The following SPAG16 variants were observed in gnomAD, a reference collection of about 807,000 sequenced individuals.
The protein encoded by SPAG16 is sperm associated antigen 16.
In SPAG16, 86 loss-of-function variants were observed where a neutral mutation model predicts 80.4. The observed-to-expected ratio is 1.07, with a 90% CI of 0.90 to 1.28. The LOEUF is 1.28. Ranked by LOEUF, SPAG16 falls within the 50% of genes most tolerant of loss-of-function variation. The pLI, the probability that SPAG16 is intolerant of heterozygous loss-of-function variation, is 0.00. For missense variants in SPAG16, 870 were observed against 765.3 expected (o/e 1.14, Z -1.61); for synonymous variants, 294 against 265.9 (o/e 1.11, Z -1.03).
intron 12 of SPAG16, among the ~76,000 whole-genome samples, chr2:213,961,582 C>G (rs1158735169): frequency 7.0e-6 from 1 of 142,260 alleles, no homozygotes; most frequent in African/African-American, 2.7e-5. Flanking sequence ...TCTTCTAACC[C>G]TAGTTTTTTT....
chr2:213,833,543 TA>T lies in SPAG16; in HGVS notation c.1071-28941del, dbSNP rs1646425808. 3.8e-3 allele frequency among the ~76,000 whole-genome samples: 2 copies of T among 530 alleles called. 1 individual carries two copies. The highest frequency in any genetic ancestry group is 0.011 in the African/African-American group (2 of 178). 0.3% of individuals were successfully genotyped at this position (530 alleles called of 152,430 possible). On this transcript the variant is annotated intron_variant, in intron 10 of 15. Coordinates refer to ENST00000331683, the MANE Select transcript of SPAG16 (RefSeq NM_024532.5). ...TATAATATATATATTATATATAATA[TA>T]TATAATATATATAATATATATAATA... is the stretch of plus-strand genomic sequence containing the variant.
intron 10 of SPAG16, among the ~76,000 whole-genome samples, chr2:213,694,762 T>G (rs1163116598): frequency 7.0e-6 from 1 of 142,766 alleles, no homozygotes; most frequent in Non-Finnish European, 1.6e-5. Context: ...TTCTTTATCC[T>G]TCTCTTTTCC....
rs963854632 is a variant in SPAG16 at position 213,802,622 on chromosome 2, A to G, written c.1071-59863A>G. ...ACAAAGACCATAATAAATGCTTTTAATATTGTACCAAATGAACCAACATCT... is the reference window on the plus strand; with the variant it reads ...ACAAAGACCATAATAAATGCTTTTAGTATTGTACCAAATGAACCAACATCT... On this transcript the variant is annotated intron_variant, in intron 10 of 15. Transcript: ENST00000331683. 4.6e-5 allele frequency among the ~76,000 whole-genome samples: 7 copies of G among 152,326 alleles called. No individual in the cohort carries two copies. In the East Asian group the frequency reaches 5.8e-4, roughly 13 times the overall value.
chr2:214,350,577 G>A (rs1040132355), intron 15 of SPAG16, among the ~76,000 whole-genome samples: 1 of 152,164 alleles, frequency 6.6e-6, no homozygotes, highest in African/African-American at 2.4e-5. Flanking sequence ...GAGTTGGCAG[G>A]AAAAGAAAAA....
chr2:213,949,338 T>G (rs532649495), intron 12 of SPAG16, among the ~76,000 whole-genome samples: 25 of 151,868 alleles, frequency 1.6e-4, no homozygotes, highest in Middle Eastern at 3.4e-3. Flanking sequence ...CCAGCTAATT[T>G]TTGTATTTTT....
chr2:213,591,061 C>T (rs2060673278), intron 10 of SPAG16, among the ~76,000 whole-genome samples: 2 of 152,182 alleles, frequency 1.3e-5, no homozygotes, highest in South Asian at 4.1e-4. Flanking sequence ...CCAAATACCA[C>T]ACATTATCAC....
intron 14 of SPAG16, among the ~76,000 whole-genome samples, chr2:214,125,432 G>A (rs922200207): frequency 6.6e-5 from 10 of 151,530 alleles, no homozygotes; most frequent in African/African-American, 2.4e-4. Flanking sequence ...TTTTTTGGAT[G>A]TGTGAGGTTG....
At chr2:213,699,121 A>G (rs1046224058) in intron 10 of SPAG16, among the ~76,000 whole-genome samples, 5 of 151,930 alleles carry the variant, frequency 3.3e-5, no homozygotes, top group African/African-American at 1.2e-4. Flanking sequence ...ACAGCCCACC[A>G]TTGCCACCCC....
Position 213,295,902 on chromosome 2 carries a change from G to A in SPAG16, c.137-162G>A, listed in dbSNP as rs112323774. Reference sequence around the variant, plus strand: ...TTATTTTTAAATATCTAGATTTATAGGCTATATGGGGAAGACAAATTTTTT... The same window carrying A: ...TTATTTTTAAATATCTAGATTTATAAGCTATATGGGGAAGACAAATTTTTT... On this transcript the variant is annotated intron_variant, in intron 1 of 15. Coordinates refer to ENST00000331683, the MANE Select transcript of SPAG16 (RefSeq NM_024532.5). 1.1e-4 allele frequency: 53 copies of A among 488,492 alleles called. No homozygotes were observed. The Middle Eastern group carries it at 5.1e-3, about 47-fold the overall frequency. The allele number at this position is 488,492 out of a possible 1,614,324, so 30.3% of individuals were successfully genotyped here.
intron 11 of SPAG16, among the ~76,000 whole-genome samples, chr2:213,870,298 G>T (rs989484901): frequency 7.9e-5 from 12 of 152,140 alleles, no homozygotes; most frequent in African/African-American, 2.9e-4. Flanking sequence ...TTATAACCAA[G>T]ACAAATCAAG....
chr2:214,377,151 A>G (rs1351100236), intron 15 of SPAG16, among the ~76,000 whole-genome samples: 1 of 152,198 alleles, frequency 6.6e-6, no homozygotes, highest in Non-Finnish European at 1.5e-5. Flanking sequence ...ACCATGTGAC[A>G]CTAACCATCT....
intron 15 of SPAG16, among the ~76,000 whole-genome samples, chr2:214,149,554 C>T (rs2055873223): frequency 6.6e-6 from 1 of 152,002 alleles, no homozygotes. Context: ...AACCTCCATT[C>T]CTCAGAATCA....
intron 14 of SPAG16, 44 bp from the exon 15 acceptor site, chr2:214,149,096 T>TACAC: frequency 1.3e-6 from 1 of 749,966 alleles, no homozygotes; most frequent in African/African-American, 1.9e-5. Flanking sequence ...TATATATATA[T>TACAC]ACATACATAC....
intron 10 of SPAG16, among the ~76,000 whole-genome samples, chr2:213,850,785 G>A (rs2074862511): frequency 6.6e-6 from 1 of 152,032 alleles, no homozygotes; most frequent in Non-Finnish European, 1.5e-5. Flanking sequence ...TGGTGACTTA[G>A]GAAACATTAT....
chr2:213,702,399 G>C (rs1361254303), intron 10 of SPAG16, among the ~76,000 whole-genome samples: 3 of 152,180 alleles, frequency 2.0e-5, no homozygotes, highest in Admixed American at 2.0e-4. Flanking sequence ...GGTCCATGCA[G>C]CATTTATGAG....
intron 9 of SPAG16, among the ~76,000 whole-genome samples, chr2:213,444,469 A>G (rs1339900818): frequency 3.3e-5 from 5 of 152,182 alleles, no homozygotes; most frequent in Non-Finnish European, 7.4e-5. Flanking sequence ...AGAATTTCCT[A>G]TTCTGCCATC....
intron 10 of SPAG16, among the ~76,000 whole-genome samples, chr2:213,558,472 A>AT (rs34254283): frequency 0.3 from 44,364 of 150,084 alleles, 7,081 homozygotes; most frequent in Middle Eastern, 0.45. Context: ...TTACATGAGA[A>AT]TTTTTTTTTT....
At chr2:214,116,232 C>A (rs2053928011) in intron 14 of SPAG16, among the ~76,000 whole-genome samples, 1 of 152,224 alleles carries the variant, frequency 6.6e-6, no homozygotes, top group South Asian at 2.1e-4. Context: ...TGACAGTGGT[C>A]TTCACACTGA....
intron 14 of SPAG16, among the ~76,000 whole-genome samples, chr2:214,126,610 G>A (rs373264399): frequency 6.6e-6 from 1 of 151,698 alleles, no homozygotes; most frequent in Non-Finnish European, 1.5e-5. Flanking sequence ...TCCATTGCAG[G>A]TTATCCCAGC....
Sources: allele counts gnomAD v4.1 joint callset (sites outside exome capture counted in the v4.1 genomes callset), GRCh38; gene constraint gnomAD v4.1.1; transcripts MANE v1.5; gene names NCBI Gene and HGNC (gene_info 2026-07-23, HGNC 2026-07-21).